The following JMJD1C variants were observed in gnomAD, a reference collection of about 807,000 sequenced individuals.
JMJD1C encodes the protein jumonji domain containing 1C, also known as jumonji domain-containing protein 1C.
A neutral mutation model predicts 245.3 loss-of-function variants in JMJD1C; 31 were observed. The observed-to-expected ratio is 0.13, with a 90% CI of 0.09 to 0.17. The LOEUF (loss-of-function observed/expected upper bound fraction) is 0.17, where lower values mean the gene tolerates loss of function less well. JMJD1C is among the 10% of genes least tolerant of loss of function. The probability of loss-of-function intolerance (pLI) is 1.00; values close to 1 mark genes in which losing one functional copy is unlikely to be tolerated. For missense variants in JMJD1C, 2,691 were observed against 3,000.2 expected, an observed-to-expected ratio of 0.90 and a Z score of 2.41; for synonymous variants, 1,057 against 1,017.4, an observed-to-expected ratio of 1.04 and a Z score of -0.74.
intron 24 of JMJD1C, among the ~76,000 whole-genome samples, chr10:63,173,447 TG>T (rs777789043): frequency 3.9e-5 from 6 of 152,118 alleles, no homozygotes; most frequent in Non-Finnish European, 8.8e-5. Flanking sequence ...ACCAGCCAGG[TG>T]GGTTGGCTCA....
chr10:63,310,168 T>C (rs954422480), intron 2 of JMJD1C, among the ~76,000 whole-genome samples: 4 of 152,054 alleles, frequency 2.6e-5, no homozygotes, highest in African/African-American at 9.7e-5. Context: ...TCCAAACAAA[T>C]GAGACATAAA....
At chr10:63,233,755 G>A (rs983266766) in intron 3 of JMJD1C, among the ~76,000 whole-genome samples, 15 of 42,932 alleles carry the variant, frequency 3.5e-4, no homozygotes, top group African/African-American at 6.4e-4. Context: ...ACACACGCGC[G>A]TGCACACACA....
chr10:63,180,226 G>C (rs1433994968), intron 22 of JMJD1C, among the ~76,000 whole-genome samples: 1 of 152,110 alleles, frequency 6.6e-6, no homozygotes, highest in Non-Finnish European at 1.5e-5. Flanking sequence ...TGGCCAGGCT[G>C]GTCTCGAACT....
chr10:63,260,296 G>A (rs1403099624), intron 3 of JMJD1C, among the ~76,000 whole-genome samples: 1 of 152,158 alleles, frequency 6.6e-6, no homozygotes, highest in East Asian at 1.9e-4. Context: ...GACCAAGCCA[G>A]GTTAGTTGGT....
At chr10:63,438,241 ACT>A (rs2132900152) in intron 1 of JMJD1C, among the ~76,000 whole-genome samples, 1 of 152,146 alleles carries the variant, frequency 6.6e-6, no homozygotes, top group East Asian at 1.9e-4. Context: ...AAAAATGGTA[ACT>A]CTATGTTTTG....
Position 63,486,060 on chromosome 10 carries a change from C to T in JMJD1C, n.113+35678G>A, listed in dbSNP as rs997699494. ...AAGTAGTCAGAAAATAAGTGATAGA[C>T]GTGACAAAGCCTGAAGAATGAATGA... On this transcript the variant is annotated intron_variant and non_coding_transcript_variant, in intron 1 of 3. Transcript: ENST00000633035. 5.0e-5 allele frequency among the ~76,000 whole-genome samples: 7 copies of T among 139,942 alleles called. 1 individual carries two copies. The South Asian group carries it at 8.9e-4, about 18-fold the overall frequency. The allele number at this position is 139,942 out of a possible 152,430, so 91.8% of individuals were successfully genotyped here.
chr10:63,355,856 A>G (rs1944797034), intron 2 of JMJD1C, among the ~76,000 whole-genome samples: 1 of 152,208 alleles, frequency 6.6e-6, no homozygotes, highest in Non-Finnish European at 1.5e-5. Context: ...GGACTACACA[A>G]TAATGAGGTT....
At chr10:63,299,048 A>T (rs1261409081) in intron 2 of JMJD1C, among the ~76,000 whole-genome samples, 1 of 151,988 alleles carries the variant, frequency 6.6e-6, no homozygotes, top group East Asian at 1.9e-4. Context: ...TAATCTTTAA[A>T]AAACACTTTA....
chr10:63,234,265 G>A (rs1333537565), intron 3 of JMJD1C, among the ~76,000 whole-genome samples: 1 of 151,832 alleles, frequency 6.6e-6, no homozygotes, highest in Admixed American at 6.6e-5. Context: ...GGAGGCTGAG[G>A]CAGGTGAAAC....
intron 2 of JMJD1C, among the ~76,000 whole-genome samples, chr10:63,371,141 G>A (rs929733078): frequency 7.3e-6 from 1 of 137,756 alleles, no homozygotes; most frequent in Non-Finnish European, 1.5e-5. Flanking sequence ...ACTACAATAG[G>A]CTAATTTTTT....
At chr10:63,446,935 TAGAGATTCCAGTTTCTCTGG>T in intron 1 of JMJD1C, among the ~76,000 whole-genome samples, 1 of 152,138 alleles carries the variant, frequency 6.6e-6, no homozygotes, top group Non-Finnish European at 1.5e-5. Context: ...CCTTACAAAC[TAGAGATTCCAGTTTCTCTGG>T]AATCACCAGG....
intron 25 of JMJD1C, 107 bp from the exon 26 acceptor site, chr10:63,168,241 A>AT (rs1842024431): frequency 5.8e-6 from 6 of 1,028,694 alleles, no homozygotes; most frequent in Non-Finnish European, 7.2e-6. Flanking sequence ...AAAGCCAAAT[A>AT]TAAGAAAAAT....
rs183176981 is a variant in JMJD1C, at chr10:63,328,511, G to A, written c.333+51807C>T. Among the ~76,000 whole-genome samples, 60 of 152,278 alleles carry A rather than the reference G, an allele frequency of 3.9e-4. 1 individual carries two copies. Among genetic ancestry groups the A allele is most frequent in the Non-Finnish European group, 1.0e-4 (7 of 68,030 alleles). On this transcript the variant is annotated intron_variant, in intron 2 of 25. Transcript: ENST00000399262. ...TTTATAGACATGTGATGTTTTGTCT[G>A]TATTTCCAGTTTTACTGGTGAGCAC... is the stretch of plus-strand genomic sequence containing the variant.
chr10:63,517,307 C>T, intron 1 of JMJD1C, among the ~76,000 whole-genome samples: 1 of 152,172 alleles, frequency 6.6e-6, no homozygotes, highest in East Asian at 1.9e-4. Context: ...GATGCACATT[C>T]CACATATCTC....
chr10:63,450,567 GA>G lies in JMJD1C; in HGVS notation c.168+14927del, dbSNP rs201425695. Among the ~76,000 whole-genome samples the G allele has an allele frequency of 1.7e-3, 255 of 151,928 alleles. 5 individuals are homozygous for G. The highest frequency in any genetic ancestry group is 0.015 in the Admixed American group (232 of 15,260). ...ATACAATACATTCACATAATGAAGG[GA>G]AAAAAAATTTTATGATCATCTCAAT... On this transcript the variant is annotated intron_variant, in intron 1 of 25. Coordinates refer to ENST00000399262, the MANE Select transcript of JMJD1C (RefSeq NM_032776.3).
At chr10:63,268,265 GA>G (rs1855871985) in intron 2 of JMJD1C, among the ~76,000 whole-genome samples, 1 of 142,134 alleles carries the variant, frequency 7.0e-6, no homozygotes, top group Non-Finnish European at 1.5e-5. Flanking sequence ...GGAGTGACTT[GA>G]AAGAACAAAG....
intron 1 of JMJD1C, chr10:63,521,562 T>C: frequency 7.0e-7 from 1 of 1,433,770 alleles, no homozygotes; most frequent in Non-Finnish European, 9.2e-7. Flanking sequence ...TCCTGGATGA[T>C]CTCCAGAGCC....
chr10:63,179,086 A>C (rs1317953728), intron 22 of JMJD1C, among the ~76,000 whole-genome samples: 1 of 152,160 alleles, frequency 6.6e-6, no homozygotes, highest in Non-Finnish European at 1.5e-5. Flanking sequence ...ATAAGGAATC[A>C]ACTTAAGTGT....
At chr10:63,426,541 C>T (rs1589726118) in intron 1 of JMJD1C, among the ~76,000 whole-genome samples, 3 of 152,066 alleles carry the variant, frequency 2.0e-5, no homozygotes, top group East Asian at 1.9e-4. Flanking sequence ...CGTGGTGGTG[C>T]GCGCCTGTAA....
Sources: gnomAD v4.1 joint callset for allele counts (sites outside exome capture counted in the v4.1 genomes callset) on GRCh38, gnomAD v4.1.1 for gene constraint, MANE v1.5 for transcripts, NCBI Gene and HGNC (gene_info 2026-07-23, HGNC 2026-07-21) for gene names.